SP110: variants seen among roughly 807,000 people sequenced by gnomAD.
SP110 encodes the protein SP110 nuclear body protein, also known as interferon-induced protein 41, 30kD.
A neutral mutation model predicts 92.7 loss-of-function variants in SP110; 62 were observed. The ratio of observed to expected loss-of-function variants is 0.67; its 90% CI spans 0.55 to 0.83. SP110 has a LOEUF of 0.83. SP110 is among the 40% of genes least tolerant of loss of function. The probability of loss-of-function intolerance (pLI) is 0.00; values close to 1 mark genes in which losing one functional copy is unlikely to be tolerated. For missense variants in SP110, 793 were observed against 863.9 expected, an observed-to-expected ratio of 0.92 and a Z score of 1.03; for synonymous variants, 273 against 305.3, an observed-to-expected ratio of 0.89 and a Z score of 1.10.
intron 8 of SP110, chr2:230,203,079 T>A: frequency 3.0e-6 from 1 of 337,020 alleles, no homozygotes; most frequent in Non-Finnish European, 5.7e-6. Flanking sequence ...AGGTGTCTTA[T>A]AAAGCACCTC....
At chr2:230,213,871 C>G (rs1185548076) in intron 3 of SP110, 2 of 152,338 alleles carry the variant, frequency 1.3e-5, no homozygotes, top group Non-Finnish European at 2.9e-5. Context: ...GCTGCCAGGA[C>G]AGTGGGCCCT....
At chr2:230,177,392 C>T in intron 14 of SP110, 146 bp downstream of exon 14, 1 of 880,162 alleles carries the variant, frequency 1.1e-6, no homozygotes, top group Non-Finnish European at 1.9e-6. Flanking sequence ...ACTTTGTCAC[C>T]CACAGTTTTT....
intron 14 of SP110, chr2:230,176,707 A>T: frequency 1.2e-6 from 2 of 1,614,058 alleles, no homozygotes; most frequent in Non-Finnish European, 1.7e-6. Flanking sequence ...TTCTTGGAGG[A>T]CAGAGCAAAA....
intron 10 of SP110, among the ~76,000 whole-genome samples, chr2:230,198,899 G>A (rs541100513): frequency 3.9e-5 from 6 of 152,012 alleles, no homozygotes; most frequent in Admixed American, 2.0e-4. Context: ...ATCTGTGACC[G>A]GAAGCATTTA....
chr2:230,186,184 T>G (rs202196897), intron 10 of SP110, 41 bp from the exon 11 acceptor site: 5 of 1,607,138 alleles, frequency 3.1e-6, no homozygotes, highest in Non-Finnish European at 4.3e-6. Context: ...TGAGCTCCCT[T>G]CTCATGTTCC....
At chr2:230,182,235 A>T (rs1218026149) in intron 12 of SP110, among the ~76,000 whole-genome samples, 4 of 151,864 alleles carry the variant, frequency 2.6e-5, no homozygotes, top group Non-Finnish European at 5.9e-5. Flanking sequence ...ATGGGTTCTC[A>T]CTTATAAGTG....
At chr2:230,174,792 T>C (rs1172992775) in intron 14 of SP110, among the ~76,000 whole-genome samples, 1 of 152,272 alleles carries the variant, frequency 6.6e-6, no homozygotes, top group Non-Finnish European at 1.5e-5. Context: ...TAAGTGAGAC[T>C]GCAGTGGAGA....
intron 12 of SP110, among the ~76,000 whole-genome samples, 169 bp from the exon 13 acceptor site, chr2:230,178,424 G>A (rs1284395632): frequency 6.6e-6 from 1 of 151,452 alleles, no homozygotes; most frequent in Non-Finnish European, 1.5e-5. Flanking sequence ...TGTACACAGT[G>A]GCCTGCAACA....
intron 12 of SP110, among the ~76,000 whole-genome samples, chr2:230,179,764 A>G (rs2042043676): frequency 6.6e-6 from 1 of 151,858 alleles, no homozygotes; most frequent in Non-Finnish European, 1.5e-5. Context: ...TTTAGGGAAC[A>G]CAAATGTCCC....
At chr2:230,217,112 G>A (rs985187723) in intron 1 of SP110, among the ~76,000 whole-genome samples, 184 bp from the exon 2 acceptor site, 1 of 152,086 alleles carries the variant, frequency 6.6e-6, no homozygotes, top group Non-Finnish European at 1.5e-5. Context: ...TGGGTGTGGT[G>A]GCGCACGCCT....
At position 230,177,349 on chromosome 2, in the gene SP110, G is replaced by A. The variant is rs2041911160; in HGVS notation, c.1590+189C>T. On this transcript the variant is annotated intron_variant, in intron 14 of 18. Transcript: ENST00000258381. Reference sequence around the variant, plus strand: ...CTGTACTCCTTTACTTGCATTTAAAGTTCTCCACCATCAGGAACAATATGT... The same window carrying A: ...CTGTACTCCTTTACTTGCATTTAAAATTCTCCACCATCAGGAACAATATGT... 1.2e-5 allele frequency: 8 copies of A among 691,222 alleles called. No homozygotes were observed. In the Admixed American group the frequency reaches 1.8e-4, roughly 15 times the overall value. 42.8% of individuals were successfully genotyped at this position (691,222 alleles called of 1,614,324 possible). A position where few individuals can be genotyped will look rare whatever the true frequency, so the allele number is the denominator to read the frequency against.
upstream of SP110, among the ~76,000 whole-genome samples, chr2:230,221,360 C>G (rs1296175239): frequency 1.3e-5 from 2 of 152,060 alleles, no homozygotes; most frequent in Non-Finnish European, 2.9e-5. Context: ...ACAAGTTCCC[C>G]TACCAGGACA....
In SP110 at chr2:230,219,966, G is replaced by A; in HGVS notation, c.-94C>T. 1.0e-6 allele frequency: 1 copy of A among 985,624 alleles called. No individual in the cohort carries two copies. The highest frequency in any genetic ancestry group is 1.2e-6 in the Non-Finnish European group (1 of 829,954). 61.1% of individuals were successfully genotyped at this position (985,624 alleles called of 1,614,324 possible). A position where few individuals can be genotyped will look rare whatever the true frequency, so the allele number is the denominator to read the frequency against. On this transcript the variant is annotated 5_prime_UTR_variant, in exon 1 of 19. Transcript: ENST00000258381. Reference sequence around the variant, plus strand: ...GGAGAGTTACAGGGAGATGCTAGCAGGCAAAACAGGAAGTCTGTGCTTTGA... The same window carrying A: ...GGAGAGTTACAGGGAGATGCTAGCAAGCAAAACAGGAAGTCTGTGCTTTGA...
rs1050316050 is a variant in SP110, at chr2:230,166,932, G to A, written c.*2192C>T. On this transcript the variant is annotated 3_prime_UTR_variant, in exon 19 of 19. Coordinates refer to ENST00000258381, the MANE Select transcript of SP110 (RefSeq NM_080424.4). ...AGTGACTGCTGCTTCCTTTTTCCCC[G>A]TTTGAATGGAAGTGTCTATAGTAGT... 2.2e-4 allele frequency among the ~76,000 whole-genome samples: 34 copies of A among 152,028 alleles called. No homozygotes were observed. The highest frequency in any genetic ancestry group is 2.9e-4 in the Non-Finnish European group (20 of 68,006).
chr2:230,169,911 C>T (rs138452193), intron 18 of SP110, among the ~76,000 whole-genome samples: 10 of 152,324 alleles, frequency 6.6e-5, no homozygotes, highest in African/African-American at 2.4e-4. Flanking sequence ...TCAACCCTTT[C>T]TCCCTGCAGC....
chr2:230,196,718 G>T (rs1419881366), intron 10 of SP110, among the ~76,000 whole-genome samples: 1 of 142,444 alleles, frequency 7.0e-6, no homozygotes, highest in African/African-American at 2.6e-5. Flanking sequence ...ACAGTCCCCA[G>T]AGTGTGATGT....
intron 18 of SP110, among the ~76,000 whole-genome samples, chr2:230,169,635 T>A (rs2078381427): frequency 1.3e-5 from 2 of 152,156 alleles, no homozygotes. Flanking sequence ...ACTCTTATTT[T>A]TTTAGGAGCC....
intron 6 of SP110, 56 bp from the exon 7 acceptor site, chr2:230,210,064 T>C: frequency 3.7e-6 from 4 of 1,072,442 alleles, no homozygotes; most frequent in Non-Finnish European, 5.8e-6. Flanking sequence ...GAGAAAGTGC[T>C]GAGGGAAGTC....
chr2:230,186,440 C>T (rs528149242), intron 10 of SP110, among the ~76,000 whole-genome samples: 1 of 152,324 alleles, frequency 6.6e-6, no homozygotes, highest in South Asian at 2.1e-4. Flanking sequence ...ACACCTTACA[C>T]TCCACTGCTG....
Sources: allele counts gnomAD v4.1 joint callset (sites outside exome capture counted in the v4.1 genomes callset), GRCh38; gene constraint gnomAD v4.1.1; transcripts MANE v1.5; gene names NCBI Gene and HGNC (gene_info 2026-07-23, HGNC 2026-07-21).